The following TGFBR3 variants were observed in gnomAD, a reference collection of about 807,000 sequenced individuals.
TGFBR3 encodes transforming growth factor beta receptor type 3.
TGFBR3 carries 46 observed loss-of-function variants against 87.9 expected under a neutral mutation model. The ratio of observed to expected loss-of-function variants is 0.52; its 90% confidence interval spans 0.41 to 0.67. The LOEUF (loss-of-function observed/expected upper bound fraction) is 0.67. Ranked by LOEUF, TGFBR3 falls within the 30% of genes least tolerant of loss-of-function variation. TGFBR3 has a pLI of 0.00. For missense variants in TGFBR3, 866 were observed against 1,041.9 expected (o/e 0.83, Z 2.32); for synonymous variants, 381 against 391.6 (o/e 0.97, Z 0.32).
chr1:91,836,228 C>A (rs1349707513), intron 2 of TGFBR3, among the ~76,000 whole-genome samples: 4 of 152,006 alleles, frequency 2.6e-5, no homozygotes, highest in African/African-American at 7.3e-5. Context: ...GCCTGGGCAA[C>A]AAGAGCAAAA....
intron 2 of TGFBR3, among the ~76,000 whole-genome samples, chr1:91,811,010 T>C (rs917646503): frequency 1.3e-5 from 2 of 152,126 alleles, no homozygotes; most frequent in African/African-American, 4.8e-5. Context: ...ATAGATATCA[T>C]AAAAAGGAAA....
chr1:91,761,004 T>C (rs186241772), intron 3 of TGFBR3, among the ~76,000 whole-genome samples: 1 of 152,328 alleles, frequency 6.6e-6, no homozygotes, highest in East Asian at 1.9e-4. Context: ...GGTTTCTCTA[T>C]TTATTTATTC....
chr1:91,687,401 A>C (rs539116425), intron 16 of TGFBR3, among the ~76,000 whole-genome samples: 1 of 152,232 alleles, frequency 6.6e-6, no homozygotes, highest in Non-Finnish European at 1.5e-5. Context: ...AGAATGTTTT[A>C]TTTCTTTAGC....
intron 2 of TGFBR3, among the ~76,000 whole-genome samples, chr1:91,860,934 CAAAAAAAAAAA>C (rs3039477): frequency 5.6e-5 from 2 of 35,636 alleles, no homozygotes; most frequent in Non-Finnish European, 1.1e-4. Flanking sequence ...TCTGTCTCCA[CAAAAAAAAAAA>C]AAAAAAAAAA....
At chr1:91,751,148 T>G (rs2100871320) in intron 4 of TGFBR3, among the ~76,000 whole-genome samples, 1 of 152,266 alleles carries the variant, frequency 6.6e-6, no homozygotes, top group South Asian at 2.1e-4. Flanking sequence ...ATGCTAATTC[T>G]GTGTTTTTTT....
rs1557652458 is a variant in TGFBR3 at position 91,681,707 on chromosome 1, C to G, written c.*2032G>C. On this transcript the variant is annotated 3_prime_UTR_variant, in exon 17 of 17. Coordinates refer to ENST00000212355, the MANE Select transcript of TGFBR3 (RefSeq NM_003243.5). ...ATTTATCTAAAACACTTAAATATAT[C>G]TTTATACACAAATTTTGTAGTAAAA... is the stretch of plus-strand genomic sequence containing the variant. 2.3e-6 allele frequency: 1 copy of G among 435,308 alleles called. No individual in the cohort carries two copies. The highest frequency in any genetic ancestry group is 4.5e-6 in the Non-Finnish European group (1 of 222,008). The allele number at this position is 435,308 out of a possible 1,614,324, so 27.0% of individuals were successfully genotyped here.
intron 12 of TGFBR3, among the ~76,000 whole-genome samples, chr1:91,714,301 G>C (rs1253806424): frequency 6.6e-6 from 1 of 152,138 alleles, no homozygotes; most frequent in Non-Finnish European, 1.5e-5. Flanking sequence ...CTACCTATTA[G>C]TAATAGTAGT....
intron 3 of TGFBR3, among the ~76,000 whole-genome samples, chr1:91,785,033 T>C (rs571632911): frequency 3.9e-5 from 6 of 152,346 alleles, no homozygotes; most frequent in South Asian, 2.1e-4. Context: ...ATAGACAACA[T>C]ATTATCAAAT....
chr1:91,735,087 A>C, intron 4 of TGFBR3, 128 bp from the exon 5 acceptor site: 3 of 1,082,102 alleles, frequency 2.8e-6, no homozygotes, highest in Non-Finnish European at 4.1e-6. Context: ...CAAGCAGATC[A>C]GCGTTTTTAA....
At chr1:91,710,963 G>T (rs1398823163) in intron 13 of TGFBR3, among the ~76,000 whole-genome samples, 3 of 152,160 alleles carry the variant, frequency 2.0e-5, no homozygotes, top group African/African-American at 7.2e-5. Flanking sequence ...ACATGAAGCT[G>T]GGCTGTTCCA....
intron 3 of TGFBR3, among the ~76,000 whole-genome samples, chr1:91,772,398 T>A (rs1425646309): frequency 3.9e-5 from 6 of 152,066 alleles, no homozygotes; most frequent in Non-Finnish European, 8.8e-5. Context: ...CCAAGGAATA[T>A]CTTGCATGGT....
Position 91,894,751 on chromosome 1 carries a change from C to T in TGFBR3, c.-114+4886G>A, listed in dbSNP as rs61779080. On this transcript the variant is annotated intron_variant, in intron 2 of 17. Coordinates refer to the TGFBR3 transcript ENST00000370399. ...TGTTGGCTTGTCCCAAGGCAATGTCCTTGGTCCTCTTCTCTGTTGAGACAC... is the reference window on the plus strand; with the variant it reads ...TGTTGGCTTGTCCCAAGGCAATGTCTTTGGTCCTCTTCTCTGTTGAGACAC... 3.4e-3 allele frequency among the ~76,000 whole-genome samples: 515 copies of T among 152,316 alleles called. 3 individuals are homozygous for T. The highest frequency in any genetic ancestry group is 5.9e-3 in the Admixed American group (91 of 15,296).
chr1:91,720,338 T>C, intron 8 of TGFBR3, 108 bp from the exon 9 acceptor site: 1 of 1,095,520 alleles, frequency 9.1e-7, no homozygotes, highest in Non-Finnish European at 1.3e-6. Flanking sequence ...AGGTGTAAAA[T>C]GACTTTTAAT....
chr1:91,842,981 T>A (rs1677346661), intron 2 of TGFBR3, among the ~76,000 whole-genome samples: 1 of 152,192 alleles, frequency 6.6e-6, no homozygotes, highest in Non-Finnish European at 1.5e-5. Context: ...ACTGTGGTAT[T>A]TCCACTGTAC....
At chr1:91,896,423 G>C (rs1679552731) in intron 2 of TGFBR3, among the ~76,000 whole-genome samples, 1 of 152,184 alleles carries the variant, frequency 6.6e-6, no homozygotes, top group African/African-American at 2.4e-5. Flanking sequence ...GTGTTATGCA[G>C]CTCAGGACTT....
intron 4 of TGFBR3, among the ~76,000 whole-genome samples, chr1:91,746,941 T>C (rs779418175): frequency 3.9e-5 from 6 of 152,038 alleles, no homozygotes; most frequent in African/African-American, 9.7e-5. Context: ...TAGTGTAGGG[T>C]AGACACGCAC....
intron 4 of TGFBR3, among the ~76,000 whole-genome samples, chr1:91,757,666 A>G (rs1673795198): frequency 6.6e-6 from 1 of 152,214 alleles, no homozygotes; most frequent in South Asian, 2.1e-4. Flanking sequence ...TCATTTATGT[A>G]CTTATTATAA....
chr1:91,898,863 G>A lies in TGFBR3; in HGVS notation c.-114+774C>T, dbSNP rs6683084. 9.6e-3 allele frequency among the ~76,000 whole-genome samples: 1,455 copies of A among 152,286 alleles called. 25 individuals carry two copies. The highest frequency in any genetic ancestry group is 0.033 in the African/African-American group (1,356 of 41,562). On this transcript the variant is annotated intron_variant, in intron 2 of 17. Coordinates refer to the TGFBR3 transcript ENST00000370399. ...TAAAACCCATCTGTGTTGTGTATAT[G>A]TAGATTTAGTTCATTTCTCTTAGCT...
Position 91,712,417 on chromosome 1 carries a change from T to G in TGFBR3, c.1992A>C (p.Glu664Asp). The change falls in exon 13 of 17, where the codon GAA (glutamate) becomes GAC (aspartate). Residue 664 changes from glutamate (E) to aspartate (D), a missense_variant. Coordinates refer to ENST00000212355, the MANE Select transcript of TGFBR3 (RefSeq NM_003243.5). ...TCTTGGGACTGTAGAATTTCACAGA[T>G]TCATCTTTAGGACAAATATTCTCAA... is the stretch of plus-strand genomic sequence containing the variant. ...TIIENICPKD[E>D]SVKFYSPKRV... 6.2e-7 allele frequency: 1 copy of G among 1,614,198 alleles called. No individual in the cohort carries two copies. Among genetic ancestry groups the G allele is most frequent in the Non-Finnish European group, 8.5e-7 (1 of 1,180,032 alleles).
Sources: allele counts gnomAD v4.1 joint callset (sites outside exome capture counted in the v4.1 genomes callset), GRCh38; gene constraint gnomAD v4.1.1; transcripts MANE v1.5; gene names NCBI Gene and HGNC (gene_info 2026-07-23, HGNC 2026-07-21).